Variants in EIF2AK2 observed in about 807,000 individuals in gnomAD.
EIF2AK2 encodes the protein eukaryotic translation initiation factor 2 alpha kinase 2.
Under a neutral mutation model 70.5 loss-of-function variants are expected in EIF2AK2, and 40 were observed. The observed-to-expected ratio is 0.57, with a 90% CI of 0.44 to 0.74. EIF2AK2 has a LOEUF of 0.74. Ranked by LOEUF, EIF2AK2 falls within the 30% of genes least tolerant of loss-of-function variation. The probability of loss-of-function intolerance (pLI) is 0.00; values close to 1 mark genes in which losing one functional copy is unlikely to be tolerated. For synonymous variants in EIF2AK2, 198 were observed against 220.9 expected (o/e 0.90, Z 0.92); for missense variants, 555 against 644.3 (o/e 0.86, Z 1.50).
At position 37,104,638 on chromosome 2, in the gene EIF2AK2, C is replaced by A. The variant is rs551130623; in HGVS notation, c.*2635G>T. 1.7e-4 allele frequency: 26 copies of A among 152,196 alleles called. No individual in the cohort carries two copies. Among genetic ancestry groups the A allele is most frequent in the African/African-American group, 6.0e-4 (25 of 41,558 alleles). The allele number at this position is 152,196 out of a possible 1,614,324, so 9.4% of individuals were successfully genotyped here. ...GTCCAGCTTTTGTCTTTTTAAATATCCAGAATACAATAAAGATTCAAACAT... is the reference window on the plus strand; with the variant it reads ...GTCCAGCTTTTGTCTTTTTAAATATACAGAATACAATAAAGATTCAAACAT... On this transcript the variant is annotated 3_prime_UTR_variant, in exon 17 of 17. Coordinates refer to ENST00000233057, the MANE Select transcript of EIF2AK2 (RefSeq NM_001135651.3).
rs566718308 is a variant in EIF2AK2, at chr2:37,107,894, C to A, written c.1480-367G>T. On this transcript the variant is annotated intron_variant, in intron 15 of 16. Coordinates refer to ENST00000233057, the MANE Select transcript of EIF2AK2 (RefSeq NM_001135651.3). ...GGTGCAGTGGCTCACACCTGTAATC[C>A]CAACACTCTGGGAGGCCGAGGCGGG... Among the ~76,000 whole-genome samples, 26 of 152,122 alleles carry A rather than the reference C, an allele frequency of 1.7e-4. No individual in the cohort carries two copies. In the East Asian group the frequency reaches 4.8e-3, roughly 28 times the overall value.
rs1226894393 is a variant in EIF2AK2 at position 37,100,382 on chromosome 2, A to T, written c.*6891T>A. On this transcript the variant is annotated 3_prime_UTR_variant, in exon 17 of 17. Coordinates refer to ENST00000233057, the MANE Select transcript of EIF2AK2 (RefSeq NM_001135651.3). ...GAATAAATGTGTGTTGTTTTAAACC[A>T]CCAAGTTTGTGGTAATTTGTTAGTT... 6.6e-6 allele frequency: 1 copy of T among 152,204 alleles called. No homozygotes were observed. Among genetic ancestry groups the T allele is most frequent in the Non-Finnish European group, 1.5e-5 (1 of 68,038 alleles). The allele number at this position is 152,204 out of a possible 1,614,324, so 9.4% of individuals were successfully genotyped here. A position where few individuals can be genotyped will look rare whatever the true frequency, so the allele number is the denominator to read the frequency against.
At chr2:37,116,300 G>T (rs749468182) in intron 13 of EIF2AK2, among the ~76,000 whole-genome samples, 1 of 151,972 alleles carries the variant, frequency 6.6e-6, no homozygotes, top group South Asian at 2.1e-4. Flanking sequence ...GCTCACTGCA[G>T]CCTTGACTTC....
chr2:37,119,395 G>T (rs188940061), intron 13 of EIF2AK2, among the ~76,000 whole-genome samples: 60 of 152,176 alleles, frequency 3.9e-4, no homozygotes, highest in African/African-American at 1.4e-3. Context: ...AGTCAACAGA[G>T]TCCCCTCTGC....
At chr2:37,129,293 C>T (rs1407763184) in intron 10 of EIF2AK2, among the ~76,000 whole-genome samples, 3 of 152,174 alleles carry the variant, frequency 2.0e-5, no homozygotes, top group African/African-American at 7.2e-5. Context: ...AGTCTGTTTT[C>T]AATAAGGCAA....
chr2:37,150,428 T>C (rs1030676163), intron 1 of EIF2AK2, among the ~76,000 whole-genome samples: 14 of 152,354 alleles, frequency 9.2e-5, no homozygotes, highest in African/African-American at 3.4e-4. Flanking sequence ...TTTTTAAATT[T>C]TTTTTGCATT....
At chr2:37,107,659 C>G in intron 15 of EIF2AK2, 132 bp from the exon 16 acceptor site, 1 of 926,484 alleles carries the variant, frequency 1.1e-6, no homozygotes, top group South Asian at 1.7e-5. Flanking sequence ...AGCCAAGAAG[C>G]AAGCAGGATT....
rs140135124 is a variant in EIF2AK2 at position 37,152,334 on chromosome 2, T to C, written c.-183-3311A>G. On this transcript the variant is annotated intron_variant, in intron 1 of 16. Coordinates refer to ENST00000233057, the MANE Select transcript of EIF2AK2 (RefSeq NM_001135651.3). Reference sequence around the variant, plus strand: ...CCTCACTCTGTTGCCCAGGCTGGAGTGCAGTAACATGATCTCAGCTCACTG... The same window carrying C: ...CCTCACTCTGTTGCCCAGGCTGGAGCGCAGTAACATGATCTCAGCTCACTG... 6.5e-3 allele frequency among the ~76,000 whole-genome samples: 982 copies of C among 152,244 alleles called. 12 individuals carry two copies. Among genetic ancestry groups the C allele is most frequent in the African/African-American group, 0.021 (861 of 41,550 alleles).
intron 10 of EIF2AK2, among the ~76,000 whole-genome samples, chr2:37,133,594 C>T (rs1291759811): frequency 2.6e-5 from 4 of 152,170 alleles, no homozygotes; most frequent in Non-Finnish European, 5.9e-5. Flanking sequence ...AGAACACAGA[C>T]TTCCCTTCAC....
chr2:37,120,784 GA>G (rs1674516438), intron 12 of EIF2AK2, among the ~76,000 whole-genome samples: 1 of 148,588 alleles, frequency 6.7e-6, no homozygotes, highest in Admixed American at 6.9e-5. Context: ...GCAGCATGGC[GA>G]AACCCCATCT....
chr2:37,143,010 C>A (rs1418503847), intron 4 of EIF2AK2, among the ~76,000 whole-genome samples: 1 of 152,062 alleles, frequency 6.6e-6, no homozygotes, highest in Non-Finnish European at 1.5e-5. Flanking sequence ...GAGTGGATCA[C>A]GAGGTCAGGA....
At position 37,100,117 on chromosome 2, in the gene EIF2AK2, ATC is replaced by A. The variant is rs771438296; in HGVS notation, c.*7154_*7155del. On this transcript the variant is annotated 3_prime_UTR_variant, in exon 17 of 17. Transcript: ENST00000233057. ...GTGAATTGTATGGCATGTGAATTAT[ATC>A]TCAATAAAGCAGTTATTAAAAAAAA... 6.6e-6 allele frequency: 1 copy of A among 152,230 alleles called. No individual in the cohort carries two copies. 9.4% of individuals were successfully genotyped at this position (152,230 alleles called of 1,614,324 possible).
Position 37,107,136 on chromosome 2 carries a change from G to T in EIF2AK2, c.*137C>A. 1.8e-6 allele frequency: 2 copies of T among 1,115,552 alleles called. No homozygotes were observed. The highest frequency in any genetic ancestry group is 2.5e-5 in the South Asian group (1 of 39,504). The allele number at this position is 1,115,552 out of a possible 1,614,324, so 69.1% of individuals were successfully genotyped here. ...AGAAGAAAACCTTTCTGTTTCTGCA[G>T]AAAGATTAGTAAAAATAGTAAAAAA... On this transcript the variant is annotated 3_prime_UTR_variant, in exon 17 of 17. Transcript: ENST00000233057.
chr2:37,150,936 A>T (rs1309794354), intron 1 of EIF2AK2, among the ~76,000 whole-genome samples: 1 of 152,224 alleles, frequency 6.6e-6, no homozygotes, highest in Admixed American at 6.5e-5. Flanking sequence ...AATGATTTAA[A>T]TTATAAACAA....
At chr2:37,149,253 G>A in intron 1 of EIF2AK2, 2 of 1,098,862 alleles carry the variant, frequency 1.8e-6, no homozygotes, top group East Asian at 2.4e-5. Context: ...CAAAGTATGA[G>A]CAAACTGAAA....
At chr2:37,135,682 G>T in intron 9 of EIF2AK2, 136 bp from the exon 10 acceptor site, 1 of 713,162 alleles carries the variant, frequency 1.4e-6, no homozygotes, top group Non-Finnish European at 2.3e-6. Context: ...AGCCTGGAGT[G>T]CAGTGGTGTG....
At chr2:37,114,293 C>T (rs1029881688) in intron 14 of EIF2AK2, among the ~76,000 whole-genome samples, 1 of 151,824 alleles carries the variant, frequency 6.6e-6, no homozygotes, top group Non-Finnish European at 1.5e-5. Flanking sequence ...GAGCAAGACC[C>T]TGTCTCTAAA....
chr2:37,108,488 T>C (rs1674038013), intron 15 of EIF2AK2, among the ~76,000 whole-genome samples: 1 of 152,202 alleles, frequency 6.6e-6, no homozygotes, highest in Non-Finnish European at 1.5e-5. Flanking sequence ...TCCACAGACT[T>C]CATGCCTTCT....
intron 12 of EIF2AK2, among the ~76,000 whole-genome samples, chr2:37,120,954 ACT>A (rs755938663): frequency 9.4e-5 from 12 of 127,352 alleles, no homozygotes; most frequent in Non-Finnish European, 1.9e-4. Context: ...ATAGAGTAAG[ACT>A]CTGTCTCAAA....
Sources: allele counts gnomAD v4.1 joint callset (sites outside exome capture counted in the v4.1 genomes callset), GRCh38; gene constraint gnomAD v4.1.1; transcripts MANE v1.5; gene names NCBI Gene and HGNC (gene_info 2026-07-23, HGNC 2026-07-21).